ADAMTS19: variants seen among roughly 807,000 people sequenced by gnomAD.
ADAMTS19 encodes the protein ADAM metallopeptidase with thrombospondin type 1 motif 19, also known as A disintegrin and metalloproteinase with thrombospondin motifs 19.
ADAMTS19 carries 93 observed loss-of-function variants against 153.3 expected under a neutral mutation model. The ratio of observed to expected loss-of-function variants is 0.61; its 90% confidence interval spans 0.51 to 0.72. The LOEUF is 0.72. Among genes scored for constraint, ADAMTS19 ranks in the 30% least tolerant of loss-of-function variants. The probability of loss-of-function intolerance (pLI) is 0.00; values close to 1 mark genes in which losing one functional copy is unlikely to be tolerated. For missense variants in ADAMTS19, 1,482 were observed against 1,552.1 expected (o/e 0.95, Z 0.76); for synonymous variants, 600 against 556.6 (o/e 1.08, Z -1.10).
At chr5:129,536,795 G>C (rs1351676410) in intron 6 of ADAMTS19, among the ~76,000 whole-genome samples, 1 of 151,858 alleles carries the variant, frequency 6.6e-6, no homozygotes, top group Admixed American at 6.6e-5. Context: ...ATCATTCTCA[G>C]TAAACTATCA....
chr5:129,716,844 C>G (rs1756753545), intron 21 of ADAMTS19, among the ~76,000 whole-genome samples: 1 of 152,162 alleles, frequency 6.6e-6, no homozygotes, highest in South Asian at 2.1e-4. Flanking sequence ...AGAGATCCAC[C>G]ATTGATTGCG....
chr5:129,720,165 TA>T lies in ADAMTS19; in HGVS notation c.3313-14766del, dbSNP rs1184192381. Among the ~76,000 whole-genome samples, 75 of 140,808 alleles carry T rather than the reference TA, an allele frequency of 5.3e-4. 1 individual carries two copies. Among genetic ancestry groups the T allele is most frequent in the Admixed American group, 8.3e-4 (12 of 14,520 alleles). The allele number at this position is 140,808 out of a possible 152,430, so 92.4% of individuals were successfully genotyped here. Reference sequence around the variant, plus strand: ...GTGTGTATGTATATATATATATATATATATATTTATTTTTTTTTTTTTTGGA... The same window carrying T: ...GTGTGTATGTATATATATATATATATTATATTTATTTTTTTTTTTTTTGGA... On this transcript the variant is annotated intron_variant, in intron 21 of 22. Transcript: ENST00000274487.
chr5:129,578,946 G>A (rs1041444085), intron 7 of ADAMTS19, among the ~76,000 whole-genome samples: 1 of 152,000 alleles, frequency 6.6e-6, no homozygotes, highest in Non-Finnish European at 1.5e-5. Flanking sequence ...TAATCCTTTG[G>A]GTATATACCC....
chr5:129,554,406 C>T lies in ADAMTS19; in HGVS notation c.1372+2499C>T, dbSNP rs549889091. Among the ~76,000 whole-genome samples, 11 of 152,170 alleles carry T rather than the reference C, an allele frequency of 7.2e-5. No homozygotes were observed. In the East Asian group the frequency reaches 2.1e-3, roughly 29 times the overall value. Reference sequence around the variant, plus strand: ...CTAGGCCTAAGCCAGTCAGCACATGCCATTGCCCTAGTTGAGACATATGAT... The same window carrying T: ...CTAGGCCTAAGCCAGTCAGCACATGTCATTGCCCTAGTTGAGACATATGAT... On this transcript the variant is annotated intron_variant, in intron 7 of 22. Coordinates refer to ENST00000274487, the MANE Select transcript of ADAMTS19 (RefSeq NM_133638.6).
Position 129,576,215 on chromosome 5 carries a change from A to T in ADAMTS19, c.1373-20344A>T, listed in dbSNP as rs1754095987. 2.6e-5 allele frequency among the ~76,000 whole-genome samples: 4 copies of T among 152,046 alleles called. No homozygotes were observed. The South Asian group carries it at 8.3e-4, about 32-fold the overall frequency. On this transcript the variant is annotated intron_variant, in intron 7 of 22. Transcript: ENST00000274487. ...TAGAAATCACCACTGCTGCTCCTAC[A>T]TACCATTGTCCCTGTGATTGAATCT... is the stretch of plus-strand genomic sequence containing the variant.
At chr5:129,665,828 AAAAAC>A (rs1480599205) in intron 16 of ADAMTS19, among the ~76,000 whole-genome samples, 3 of 151,408 alleles carry the variant, frequency 2.0e-5, no homozygotes, top group East Asian at 1.9e-4. Flanking sequence ...TCCAAGATAA[AAAAAC>A]AAAACAAAAC....
intron 2 of ADAMTS19, among the ~76,000 whole-genome samples, chr5:129,479,574 C>A (rs1354929461): frequency 1.3e-5 from 2 of 152,130 alleles, no homozygotes; most frequent in Non-Finnish European, 2.9e-5. Context: ...TCTATAGAGA[C>A]AATCCTGCTA....
chr5:129,554,096 G>A (rs960915874), intron 7 of ADAMTS19, among the ~76,000 whole-genome samples: 6 of 152,054 alleles, frequency 3.9e-5, no homozygotes, highest in Admixed American at 1.3e-4. Flanking sequence ...GAGATGATTC[G>A]AAGTATAGGA....
intron 2 of ADAMTS19, among the ~76,000 whole-genome samples, chr5:129,474,238 TC>T (rs144209433): frequency 0.01 from 1,599 of 152,288 alleles, 24 homozygotes; most frequent in African/African-American, 0.037. Context: ...AGTAGTTCAT[TC>T]TTTTTTTCTT....
intron 10 of ADAMTS19, among the ~76,000 whole-genome samples, chr5:129,637,447 C>A (rs1448377572): frequency 6.6e-6 from 1 of 152,162 alleles, no homozygotes; most frequent in African/African-American, 2.4e-5. Flanking sequence ...TTTTTACTTT[C>A]TTTTAAAATC....
At chr5:129,630,592 A>C (rs1752243860) in intron 10 of ADAMTS19, among the ~76,000 whole-genome samples, 1 of 152,092 alleles carries the variant, frequency 6.6e-6, no homozygotes. Flanking sequence ...AGATAAAATT[A>C]ACCCTAAATG....
At chr5:129,613,507 A>G (rs1459245960) in intron 8 of ADAMTS19, among the ~76,000 whole-genome samples, 2 of 152,212 alleles carry the variant, frequency 1.3e-5, no homozygotes, top group Admixed American at 1.3e-4. Context: ...GACACAACAT[A>G]CCAGAATCTC....
chr5:129,693,425 T>C (rs1266719508), intron 18 of ADAMTS19, among the ~76,000 whole-genome samples: 4 of 152,290 alleles, frequency 2.6e-5, no homozygotes, highest in South Asian at 2.1e-4. Context: ...ATGTCAGTCA[T>C]AGTACCCTAA....
intron 8 of ADAMTS19, among the ~76,000 whole-genome samples, chr5:129,611,655 T>C (rs1751224668): frequency 6.6e-6 from 1 of 152,154 alleles, no homozygotes; most frequent in Admixed American, 6.6e-5. Context: ...TATATCTCTG[T>C]TTTGATACCA....
chr5:129,520,495 A>G (rs372898326), intron 3 of ADAMTS19, among the ~76,000 whole-genome samples: 14 of 152,292 alleles, frequency 9.2e-5, no homozygotes, highest in Admixed American at 7.2e-4. Context: ...TTCTTTGTGA[A>G]ACCTAAGAGA....
Position 129,527,793 on chromosome 5 carries a change from C to T in ADAMTS19, c.1132C>T (p.Leu378Phe). Reference protein sequence around the residue: ...QHKSLSVQVNLRVIKLILLHE... With the variant: ...QHKSLSVQVNFRVIKLILLHE... ...CAAGAGTCTGAGTGTGCAGGTCAAT[C>T]TTCGTGTGATAAAGCTTATTCTGCT... Residue 378 changes from leucine (L) to phenylalanine (F), a missense_variant, in exon 5 of 23, where the codon CTT becomes TTT. By Grantham distance (22) the Leu-to-Phe change is conservative. Around this residue, in one of 2 missense-constraint regions of ADAMTS19, gnomAD observed 866 missense variants for 827.7 expected, o/e 1.05. Transcript: ENST00000274487. 1 of 1,601,268 alleles carries T rather than the reference C, an allele frequency of 6.2e-7. No individual in the cohort carries two copies. Among genetic ancestry groups the T allele is most frequent in the Non-Finnish European group, 8.5e-7 (1 of 1,171,140 alleles).
At chr5:129,489,410 G>A (rs1352194597) in intron 2 of ADAMTS19, among the ~76,000 whole-genome samples, 1 of 152,040 alleles carries the variant, frequency 6.6e-6, no homozygotes, top group East Asian at 1.9e-4. Flanking sequence ...GTCTTCCAGT[G>A]CCACATCTTC....
intron 2 of ADAMTS19, among the ~76,000 whole-genome samples, chr5:129,487,893 C>T (rs1750650026): frequency 6.6e-6 from 1 of 151,968 alleles, no homozygotes; most frequent in Non-Finnish European, 1.5e-5. Flanking sequence ...GCCATATATA[C>T]ATATTTCTTT....
chr5:129,623,060 G>C (rs1751857560), intron 10 of ADAMTS19, among the ~76,000 whole-genome samples: 1 of 152,124 alleles, frequency 6.6e-6, no homozygotes, highest in South Asian at 2.1e-4. Flanking sequence ...TGTAATTGTG[G>C]AGGAGGAACT....
Sources: allele counts gnomAD v4.1 joint callset (sites outside exome capture counted in the v4.1 genomes callset), GRCh38; gene constraint gnomAD v4.1.1; regional missense constraint gnomAD v4.1.1; transcripts MANE v1.5; gene names NCBI Gene and HGNC (gene_info 2026-07-23, HGNC 2026-07-21).